The following TEX11 variants were observed in gnomAD, a reference collection of about 807,000 sequenced individuals.
The protein encoded by TEX11 is testis expressed 11, also known as testis-expressed protein 11.
In TEX11, 7 loss-of-function variants were observed where a neutral mutation model predicts 84.4. That is an observed-to-expected ratio of 0.08 (90% CI 0.05 to 0.16). TEX11 has a LOEUF of 0.16. TEX11 is among the 10% of genes least tolerant of loss of function. The pLI is 1.00. For synonymous variants in TEX11, 264 were observed against 222.8 expected (o/e 1.18, Z -1.64); for missense variants, 551 against 660.5 (o/e 0.83, Z 1.82).
intron 17 of TEX11, among the ~76,000 whole-genome samples, chrX:70,641,856 G>C (rs147586181): frequency 0.034 from 3,721 of 110,911 alleles, 163 homozygotes; most frequent in African/African-American, 0.12. Context: ...ACAGTTAAAA[G>C]AACTAGAAAA....
At chrX:70,699,826 G>T (rs1356672500) in intron 13 of TEX11, among the ~76,000 whole-genome samples, 1 of 109,750 alleles carries the variant, frequency 9.1e-6, no homozygotes, top group African/African-American at 3.3e-5. Flanking sequence ...GCCTTTCTAG[G>T]CATGACACAA....
intron 2 of TEX11, among the ~76,000 whole-genome samples, chrX:70,899,229 C>T (rs1271527890): frequency 9.0e-6 from 1 of 111,592 alleles, no homozygotes; most frequent in African/African-American, 3.2e-5. Context: ...CAATATATGG[C>T]TACTGAGCAC....
intron 17 of TEX11, among the ~76,000 whole-genome samples, chrX:70,635,769 C>A (rs760515581): frequency 9.0e-6 from 1 of 110,751 alleles, no homozygotes; most frequent in African/African-American, 3.3e-5. Context: ...CAGTGCCAGG[C>A]CAGCCCCTGC....
chrX:70,906,660 G>A (rs2091835763), intron 2 of TEX11, among the ~76,000 whole-genome samples: 1 of 110,401 alleles, frequency 9.1e-6, no homozygotes, highest in Non-Finnish European at 1.9e-5. Context: ...GGTGGCGCGG[G>A]CCTGTAGTCC....
chrX:70,728,596 G>C (rs1471654253), intron 11 of TEX11, among the ~76,000 whole-genome samples: 1 of 111,865 alleles, frequency 8.9e-6, no homozygotes, highest in Admixed American at 9.6e-5. Context: ...CAAACTGCAA[G>C]GCAGCAGCGA....
chrX:70,699,294 T>G (rs1411076206), intron 13 of TEX11, among the ~76,000 whole-genome samples: 1 of 111,568 alleles, frequency 9.0e-6, no homozygotes, highest in African/African-American at 3.3e-5. Flanking sequence ...ACTGCAACCA[T>G]GTAAGACTCC....
chrX:70,832,217 C>T (rs2091380891), intron 8 of TEX11, among the ~76,000 whole-genome samples: 1 of 111,671 alleles, frequency 9.0e-6, no homozygotes, highest in African/African-American at 3.2e-5. Context: ...AAATCACATG[C>T]TACAAAATGA....
At chrX:70,749,812 G>C (rs12014997) in intron 9 of TEX11, among the ~76,000 whole-genome samples, 2,775 of 109,133 alleles carry the variant, frequency 0.025, 89 homozygotes, top group African/African-American at 0.087. Context: ...TGTGCTGCTG[G>C]ATTTGTTTTG....
intron 2 of TEX11, among the ~76,000 whole-genome samples, chrX:70,906,133 A>ATC (rs2091832747): frequency 3.1e-5 from 2 of 64,262 alleles, no homozygotes; most frequent in African/African-American, 1.1e-4. Context: ...ATATATATAT[A>ATC]TCACAATGCT....
intron 4 of TEX11, among the ~76,000 whole-genome samples, chrX:70,863,402 G>A (rs915033438): frequency 8.9e-6 from 1 of 112,151 alleles, no homozygotes; most frequent in African/African-American, 3.2e-5. Flanking sequence ...TTGCTGTTCT[G>A]CAGCCTCCAC....
At chrX:70,648,592 A>T in intron 17 of TEX11, among the ~76,000 whole-genome samples, 1 of 111,343 alleles carries the variant, frequency 9.0e-6, no homozygotes, top group Non-Finnish European at 1.9e-5. Context: ...TGGGAAAAAG[A>T]TTTGTACAAA....
chrX:70,848,465 G>A (rs2091490677), intron 7 of TEX11, among the ~76,000 whole-genome samples: 1 of 111,227 alleles, frequency 9.0e-6, no homozygotes, highest in Non-Finnish European at 1.9e-5. Flanking sequence ...CTACAACCCA[G>A]TCCACAATAA....
chrX:70,591,635 C>A (rs2088932075), intron 25 of TEX11, 116 bp downstream of exon 25: 6 of 462,636 alleles, frequency 1.3e-5, no homozygotes, highest in South Asian at 4.7e-5. Context: ...AAAAAAAAAA[C>A]ATTTGACTGG....
In TEX11 at chrX:70,785,882, T is replaced by C. The variant is rs76900186; in HGVS notation, c.692+20823A>G. On this transcript the variant is annotated intron_variant, in intron 9 of 29. Coordinates refer to ENST00000374333, the MANE Select transcript of TEX11 (RefSeq NM_031276.3). ...TTACACTGTTGGTGGGAGTGTAAAT[T>C]ACTTCAACCATTGTGGAAGACAGTG... Among the ~76,000 whole-genome samples the C allele has an allele frequency of 9.2e-3, 1,026 of 112,063 alleles. 8 individuals are homozygous for C. Among genetic ancestry groups the C allele is most frequent in the African/African-American group, 0.03 (938 of 30,843 alleles).
At position 70,696,625 on chromosome X, in the gene TEX11, T is replaced by G. The variant is rs1257061425; in HGVS notation, c.1005-13800A>C. Among the ~76,000 whole-genome samples the G allele has an allele frequency of 7.3e-5, 8 of 109,835 alleles. No individual in the cohort carries two copies. In the Admixed American group the frequency reaches 7.8e-4, roughly 11 times the overall value. On this transcript the variant is annotated intron_variant, in intron 13 of 29. Coordinates refer to ENST00000374333, the MANE Select transcript of TEX11 (RefSeq NM_031276.3). ...TCTACAAAAAAAATTAAAAAATAGC[T>G]AGGTATGGTGGTGTGCGCCTGTAGT...
the TEX11 span, among the ~76,000 whole-genome samples, chrX:70,517,183 C>A: frequency 7.2e-5 from 8 of 111,733 alleles, no homozygotes; most frequent in Non-Finnish European, 1.3e-4. Context: ...TGAGAGAGGG[C>A]ATCTTTGTCT....
At chrX:70,897,183 A>G (rs1569462972) in intron 2 of TEX11, among the ~76,000 whole-genome samples, 3 of 45,591 alleles carry the variant, frequency 6.6e-5, no homozygotes, top group African/African-American at 1.7e-4. Context: ...TATATGTTAT[A>G]TATAATATAT....
chrX:70,810,637 C>G (rs376218265), intron 8 of TEX11, among the ~76,000 whole-genome samples: 2 of 110,197 alleles, frequency 1.8e-5, no homozygotes, highest in Non-Finnish European at 3.8e-5. Context: ...ACACTGGGGC[C>G]TGTTGAGGGG....
At chrX:70,574,663 A>G (rs771035618) in intron 25 of TEX11, among the ~76,000 whole-genome samples, 3 of 111,964 alleles carry the variant, frequency 2.7e-5, no homozygotes, top group Non-Finnish European at 5.6e-5. Flanking sequence ...TTTAGGAGGT[A>G]TGGATAAAGA....
Sources: gnomAD v4.1 joint callset for allele counts (sites outside exome capture counted in the v4.1 genomes callset) on GRCh38, gnomAD v4.1.1 for gene constraint, MANE v1.5 for transcripts, NCBI Gene and HGNC (gene_info 2026-07-23, HGNC 2026-07-21) for gene names.